The following LIPI variants were observed in gnomAD, a reference collection of about 807,000 sequenced individuals.
The protein encoded by LIPI is lipase I, also known as lipase member I.
A neutral mutation model predicts 50.6 loss-of-function variants in LIPI; 59 were observed. The ratio of observed to expected loss-of-function variants is 1.16; its 90% CI spans 0.94 to 1.45. The LOEUF (loss-of-function observed/expected upper bound fraction) is 1.45. Ranked by LOEUF, LIPI falls within the 40% of genes most tolerant of loss-of-function variation. LIPI has a pLI of 0.00. For missense variants in LIPI, 586 were observed against 536.3 expected (o/e 1.09, Z -0.92); for synonymous variants, 203 against 178.2 (o/e 1.14, Z -1.11).
chr21:14,140,823 A>T (rs1303486278), intron 9 of LIPI, among the ~76,000 whole-genome samples: 1 of 152,090 alleles, frequency 6.6e-6, no homozygotes, highest in African/African-American at 2.4e-5. Context: ...TGTTTCATAA[A>T]GCTGTGAACA....
chr21:14,154,431 A>G (rs1404059386), intron 7 of LIPI, among the ~76,000 whole-genome samples: 2 of 152,072 alleles, frequency 1.3e-5, no homozygotes, highest in African/African-American at 2.4e-5. Context: ...AGCTACTACT[A>G]GGATATACTT....
chr21:14,138,665 A>G (rs1382414106), intron 9 of LIPI, among the ~76,000 whole-genome samples: 1 of 152,072 alleles, frequency 6.6e-6, no homozygotes, highest in Admixed American at 6.6e-5. Context: ...TAGTTCTGCA[A>G]TTTTAATGAT....
intron 9 of LIPI, among the ~76,000 whole-genome samples, chr21:14,135,468 C>G (rs982796918): frequency 1.3e-5 from 2 of 152,114 alleles, no homozygotes; most frequent in Admixed American, 6.5e-5. Flanking sequence ...GGAGTGGCGG[C>G]ATGGTGCAGA....
intron 7 of LIPI, among the ~76,000 whole-genome samples, chr21:14,158,896 C>A (rs368026631): frequency 2.0e-5 from 3 of 151,012 alleles, no homozygotes; most frequent in East Asian, 3.9e-4. Flanking sequence ...AAAAAAAGGA[C>A]CAATTCCCCA....
chr21:14,193,430 A>G (rs2019743467), intron 1 of LIPI, among the ~76,000 whole-genome samples: 2 of 152,074 alleles, frequency 1.3e-5, no homozygotes, highest in Admixed American at 1.3e-4. Context: ...TAGACTAAAC[A>G]ACCCCCCCAA....
At chr21:14,178,365 AC>A (rs977803992) in intron 4 of LIPI, among the ~76,000 whole-genome samples, 2 of 152,020 alleles carry the variant, frequency 1.3e-5, no homozygotes, top group Non-Finnish European at 2.9e-5. Context: ...GCATCTCTTA[AC>A]TGTTGGTCTA....
intron 1 of LIPI, among the ~76,000 whole-genome samples, chr21:14,198,946 C>T (rs1158236064): frequency 6.6e-6 from 1 of 151,864 alleles, no homozygotes; most frequent in Non-Finnish European, 1.5e-5. Flanking sequence ...GAAATTAACA[C>T]TAAGAAATTC....
At chr21:14,163,225 A>G (rs992404503) in intron 7 of LIPI, among the ~76,000 whole-genome samples, 194 bp downstream of exon 7, 6 of 151,832 alleles carry the variant, frequency 4.0e-5, no homozygotes, top group Admixed American at 1.3e-4. Context: ...ATATTACCCA[A>G]GCGTCTCTCC....
intron 4 of LIPI, among the ~76,000 whole-genome samples, chr21:14,169,616 G>A (rs1465416006): frequency 6.6e-6 from 1 of 152,160 alleles, no homozygotes; most frequent in African/African-American, 2.4e-5. Context: ...AATGACTACT[G>A]GGTACATAAC....
intron 9 of LIPI, among the ~76,000 whole-genome samples, chr21:14,123,359 C>A (rs1312657837): frequency 6.6e-6 from 1 of 152,116 alleles, no homozygotes; most frequent in Non-Finnish European, 1.5e-5. Flanking sequence ...GTGGTATCAA[C>A]TAGACACTAC....
chr21:14,157,431 G>A (rs2018311130), intron 7 of LIPI, among the ~76,000 whole-genome samples: 1 of 151,986 alleles, frequency 6.6e-6, no homozygotes, highest in Admixed American at 6.6e-5. Context: ...CAATAATAGA[G>A]GCAGGATTGT....
At chr21:14,109,416 C>T (rs908322072) in intron 9 of LIPI, among the ~76,000 whole-genome samples, 1 of 152,108 alleles carries the variant, frequency 6.6e-6, no homozygotes, top group East Asian at 1.9e-4. Context: ...TTCCTTCCAT[C>T]ATGATGGTCA....
At chr21:14,126,989 C>T (rs1242092728) in intron 9 of LIPI, among the ~76,000 whole-genome samples, 1 of 152,132 alleles carries the variant, frequency 6.6e-6, no homozygotes, top group Non-Finnish European at 1.5e-5. Context: ...ATAAGTTTTA[C>T]TGTTACATAA....
intron 6 of LIPI, among the ~76,000 whole-genome samples, chr21:14,164,916 A>T (rs1263424904): frequency 6.6e-6 from 1 of 152,192 alleles, no homozygotes. Context: ...AAGTGAAAAT[A>T]TAGTTGGATG....
chr21:14,127,089 G>C (rs1019722811), intron 9 of LIPI, among the ~76,000 whole-genome samples: 6 of 151,938 alleles, frequency 3.9e-5, no homozygotes, highest in Admixed American at 1.3e-4. Flanking sequence ...CCTAAGGTCT[G>C]AGGTCCTACT....
rs374389869 is a variant in LIPI, at chr21:14,144,821, C to T, written c.1119-22G>A. On this transcript the variant is annotated intron_variant, in intron 8 of 9. Coordinates refer to ENST00000681601, the MANE Select transcript of LIPI (RefSeq NM_001302998.2). ...CTTTCTAGAGAGAAAATTTGATACA[C>T]GCAGCATATTAATAATTTGAAACAT... 3.4e-4 allele frequency: 507 copies of T among 1,475,736 alleles called. 1 individual carries two copies. The highest frequency in any genetic ancestry group is 7.2e-4 in the South Asian group (63 of 87,538). The allele number at this position is 1,475,736 out of a possible 1,614,324, so 91.4% of individuals were successfully genotyped here. A position where few individuals can be genotyped will look rare whatever the true frequency, so the allele number is the denominator to read the frequency against.
chr21:14,160,700 A>G (rs2123130626), intron 7 of LIPI, among the ~76,000 whole-genome samples: 1 of 151,552 alleles, frequency 6.6e-6, no homozygotes, highest in Middle Eastern at 3.4e-3. Context: ...TGAAACAGAT[A>G]AAAAGACAAG....
chr21:14,210,866 A>G lies in LIPI; in HGVS notation c.-21T>C. The G allele has an allele frequency of 8.1e-7, 1 of 1,230,398 alleles. No homozygotes were observed. The highest frequency in any genetic ancestry group is 1.0e-6 in the Non-Finnish European group (1 of 962,026). The allele number at this position is 1,230,398 out of a possible 1,614,324, so 76.2% of individuals were successfully genotyped here. A position where few individuals can be genotyped will look rare whatever the true frequency, so the allele number is the denominator to read the frequency against. ...CTCATTTGGAATCTGAGAAAAGCAA[A>G]AACAGCACTCAATTCACCAAAAAGG... is the stretch of plus-strand genomic sequence containing the variant. On this transcript the variant is annotated 5_prime_UTR_variant, in exon 1 of 10. Coordinates refer to ENST00000681601, the MANE Select transcript of LIPI (RefSeq NM_001302998.2).
At chr21:14,110,082 A>G (rs1364868054) in intron 9 of LIPI, among the ~76,000 whole-genome samples, 3 of 142,594 alleles carry the variant, frequency 2.1e-5, no homozygotes, top group Non-Finnish European at 3.1e-5. Context: ...ACCAAAAATG[A>G]ACACATTACA....
Sources: allele counts gnomAD v4.1 joint callset (sites outside exome capture counted in the v4.1 genomes callset), GRCh38; gene constraint gnomAD v4.1.1; transcripts MANE v1.5; gene names NCBI Gene and HGNC (gene_info 2026-07-23, HGNC 2026-07-21).